The following GRID1 variants were observed in gnomAD, a reference collection of about 807,000 sequenced individuals.
The protein encoded by GRID1 is glutamate receptor ionotropic, delta-1.
Under a neutral mutation model 98.0 loss-of-function variants are expected in GRID1, and 28 were observed. The ratio of observed to expected loss-of-function variants is 0.29; its 90% CI spans 0.21 to 0.39. The LOEUF is 0.39. Among genes scored for constraint, GRID1 ranks in the 10% least tolerant of loss-of-function variants. GRID1 has a pLI of 1.00. For missense variants in GRID1, 1,111 were observed against 1,340.5 expected, an observed-to-expected ratio of 0.83 and a Z score of 2.67; for synonymous variants, 553 against 538.5, an observed-to-expected ratio of 1.03 and a Z score of -0.37.
chr10:85,882,208 A>G (rs576120701), intron 5 of GRID1, among the ~76,000 whole-genome samples: 92 of 152,284 alleles, frequency 6.0e-4, no homozygotes, highest in Non-Finnish European at 1.2e-3. Context: ...TGTGGAAGTC[A>G]GTGTGGCGAT....
intron 4 of GRID1, among the ~76,000 whole-genome samples, chr10:85,980,668 G>A (rs1314371059): frequency 6.6e-6 from 1 of 152,208 alleles, no homozygotes; most frequent in African/African-American, 2.4e-5. Flanking sequence ...GTTGGTAAGA[G>A]AGTAATAAAG....
At chr10:86,344,106 CT>C (rs1222109484) in intron 2 of GRID1, among the ~76,000 whole-genome samples, 3 of 152,246 alleles carry the variant, frequency 2.0e-5, no homozygotes, top group Non-Finnish European at 4.4e-5. Flanking sequence ...ATCAGGCTCT[CT>C]GGGGTGGAGC....
chr10:86,349,259 G>A (rs933249761), intron 2 of GRID1, among the ~76,000 whole-genome samples: 4 of 152,232 alleles, frequency 2.6e-5, no homozygotes, highest in Non-Finnish European at 5.9e-5. Context: ...GCTGGGGGAA[G>A]AGGGGCTCCT....
intron 4 of GRID1, among the ~76,000 whole-genome samples, chr10:86,005,323 A>G (rs1363842287): frequency 1.3e-5 from 2 of 151,038 alleles, no homozygotes; most frequent in Non-Finnish European, 2.9e-5. Flanking sequence ...AGCCAGCTCC[A>G]TTCAATAAGT....
chr10:85,799,366 T>C (rs1842554626), intron 8 of GRID1, among the ~76,000 whole-genome samples: 1 of 152,146 alleles, frequency 6.6e-6, no homozygotes, highest in Non-Finnish European at 1.5e-5. Context: ...TGTTTTCTTC[T>C]ATATATGAAA....
chr10:85,681,895 T>C (rs750142022), intron 12 of GRID1, among the ~76,000 whole-genome samples: 1 of 152,004 alleles, frequency 6.6e-6, no homozygotes, highest in African/African-American at 2.4e-5. Context: ...AATGCTGGGG[T>C]ACCTCAGGCA....
At chr10:86,096,680 A>C (rs1363312400) in intron 4 of GRID1, among the ~76,000 whole-genome samples, 1 of 152,222 alleles carries the variant, frequency 6.6e-6, no homozygotes, top group African/African-American at 2.4e-5. Flanking sequence ...AATGGAATTC[A>C]CTGGTCTTAC....
intron 2 of GRID1, among the ~76,000 whole-genome samples, chr10:86,291,279 T>C (rs1847508808): frequency 6.6e-6 from 1 of 152,082 alleles, no homozygotes; most frequent in Admixed American, 6.5e-5. Flanking sequence ...CCACTTTCCA[T>C]CCCCATTGAC....
At chr10:85,964,782 T>C (rs1842315518) in intron 4 of GRID1, among the ~76,000 whole-genome samples, 1 of 152,104 alleles carries the variant, frequency 6.6e-6, no homozygotes, top group Non-Finnish European at 1.5e-5. Flanking sequence ...AAAGCCAAAA[T>C]TGACAAATGG....
chr10:85,664,458 T>C (rs1363082982), intron 12 of GRID1, among the ~76,000 whole-genome samples: 2 of 152,214 alleles, frequency 1.3e-5, no homozygotes, highest in Non-Finnish European at 2.9e-5. Flanking sequence ...ATCTCAGACT[T>C]TTCCATCTCT....
intron 4 of GRID1, among the ~76,000 whole-genome samples, chr10:85,997,293 G>A (rs1166588087): frequency 8.5e-5 from 13 of 152,128 alleles, no homozygotes; most frequent in East Asian, 7.7e-4. Flanking sequence ...CCAACTACTC[G>A]GGAGGCTGAG....
At chr10:86,106,976 G>T (rs1314235987) in intron 4 of GRID1, among the ~76,000 whole-genome samples, 1 of 152,184 alleles carries the variant, frequency 6.6e-6, no homozygotes, top group Non-Finnish European at 1.5e-5. Context: ...CAGAAGCCTA[G>T]ATGGGTCTTT....
intron 2 of GRID1, among the ~76,000 whole-genome samples, chr10:86,346,692 G>A (rs929902424): frequency 6.6e-6 from 1 of 152,218 alleles, no homozygotes; most frequent in East Asian, 1.9e-4. Flanking sequence ...CGAAGTCCAC[G>A]GCAGCCCCAG....
chr10:86,232,112 C>G (rs757131601), intron 2 of GRID1, among the ~76,000 whole-genome samples: 1 of 152,156 alleles, frequency 6.6e-6, no homozygotes, highest in Non-Finnish European at 1.5e-5. Context: ...TCCCAGCTTC[C>G]CTTTCCCTGT....
At chr10:86,050,743 A>G (rs1843490062) in intron 4 of GRID1, among the ~76,000 whole-genome samples, 3 of 152,202 alleles carry the variant, frequency 2.0e-5, no homozygotes, top group Admixed American at 1.3e-4. Context: ...AGAACTCAAT[A>G]TCATAAAGAT....
chr10:85,716,304 G>A lies in GRID1; in HGVS notation c.1997+6699C>T, dbSNP rs561271032. ...AAACCATCATTCTGAGCAAACTATC[G>A]CAAGGACAAAAAAAACAAACACCGC... is the stretch of plus-strand genomic sequence containing the variant. On this transcript the variant is annotated intron_variant, in intron 12 of 15. Coordinates refer to ENST00000327946, the MANE Select transcript of GRID1 (RefSeq NM_017551.3). Among the ~76,000 whole-genome samples, 9 of 152,108 alleles carry A rather than the reference G, an allele frequency of 5.9e-5. No homozygotes were observed. In the East Asian group the frequency reaches 9.7e-4, roughly 16 times the overall value.
intron 4 of GRID1, among the ~76,000 whole-genome samples, chr10:86,136,747 C>T (rs1844930759): frequency 6.6e-6 from 1 of 152,156 alleles, no homozygotes; most frequent in Non-Finnish European, 1.5e-5. Context: ...CCATCGTTCC[C>T]CTCAATCTCC....
intron 8 of GRID1, among the ~76,000 whole-genome samples, chr10:85,848,967 T>C (rs1038221640): frequency 2.0e-5 from 3 of 152,196 alleles, no homozygotes; most frequent in African/African-American, 7.2e-5. Flanking sequence ...GAAGTCTCTA[T>C]GGGAGCAGCT....
intron 12 of GRID1, among the ~76,000 whole-genome samples, chr10:85,671,588 C>A (rs1044484772): frequency 6.6e-6 from 1 of 152,044 alleles, no homozygotes; most frequent in African/African-American, 2.4e-5. Flanking sequence ...CCCCAACACA[C>A]AACAATATTG....
Sources: allele counts gnomAD v4.1 joint callset (sites outside exome capture counted in the v4.1 genomes callset), GRCh38; gene constraint gnomAD v4.1.1; transcripts MANE v1.5; gene names NCBI Gene and HGNC (gene_info 2026-07-23, HGNC 2026-07-21).